CTNNA2: variants seen among roughly 807,000 people sequenced by gnomAD.
CTNNA2 encodes the protein catenin alpha-2.
A neutral mutation model predicts 101.0 loss-of-function variants in CTNNA2; 42 were observed. The observed-to-expected ratio is 0.42, with a 90% CI of 0.32 to 0.54. The LOEUF (loss-of-function observed/expected upper bound fraction) is 0.54, where lower values mean the gene tolerates loss of function less well. CTNNA2 is among the 20% of genes least tolerant of loss of function. The pLI is 0.14. For synonymous variants in CTNNA2, 450 were observed against 456.4 expected (o/e 0.99, Z 0.18); for missense variants, 871 against 1,223.1 (o/e 0.71, Z 4.29).
chr2:79,411,931 A>T (rs1033738106), intron 4 of CTNNA2, among the ~76,000 whole-genome samples: 1 of 152,184 alleles, frequency 6.6e-6, no homozygotes, highest in African/African-American at 2.4e-5. Context: ...AAATGCTCCA[A>T]TTAAAAGACA....
intron 7 of CTNNA2, among the ~76,000 whole-genome samples, chr2:80,078,869 T>A (rs1202368026): frequency 6.6e-6 from 1 of 152,210 alleles, no homozygotes; most frequent in Non-Finnish European, 1.5e-5. Flanking sequence ...TATCTTGTCC[T>A]GAACACAGGC....
intron 2 of CTNNA2, among the ~76,000 whole-genome samples, chr2:79,278,187 A>G (rs1675263321): frequency 6.6e-6 from 1 of 152,140 alleles, no homozygotes; most frequent in Non-Finnish European, 1.5e-5. Context: ...TGGAGACATG[A>G]GCCAAGAAAA....
At chr2:80,069,744 A>G (rs1698208789) in intron 7 of CTNNA2, among the ~76,000 whole-genome samples, 3 of 152,226 alleles carry the variant, frequency 2.0e-5, no homozygotes, top group Non-Finnish European at 2.9e-5. Context: ...CTAATAAGAA[A>G]GAAATACTCA....
intron 4 of CTNNA2, among the ~76,000 whole-genome samples, chr2:79,493,349 C>A (rs761064904): frequency 6.6e-6 from 1 of 151,956 alleles, no homozygotes; most frequent in Non-Finnish European, 1.5e-5. Context: ...AAATATTGGC[C>A]GACTGTGCCT....
Position 80,085,872 on chromosome 2 carries a change from A to G in CTNNA2, c.1056+176075A>G, listed in dbSNP as rs185720070. On this transcript the variant is annotated intron_variant, in intron 7 of 18. Coordinates refer to ENST00000402739, the MANE Select transcript of CTNNA2 (RefSeq NM_001282597.3). ...GGGAGGTCTGATGCTGACTAAATCT[A>G]TGTAACGCAAAAGACTGGCTCAGAG... Among the ~76,000 whole-genome samples the G allele has an allele frequency of 3.7e-3, 562 of 152,206 alleles. 5 individuals carry two copies. Among genetic ancestry groups the G allele is most frequent in the African/African-American group, 0.013 (536 of 41,546 alleles).
intron 2 of CTNNA2, among the ~76,000 whole-genome samples, chr2:79,663,012 C>T (rs1381644785): frequency 6.6e-6 from 1 of 152,150 alleles, no homozygotes; most frequent in Non-Finnish European, 1.5e-5. Context: ...ATTTTCTCCC[C>T]AGGTGATTCT....
intron 1 of CTNNA2, among the ~76,000 whole-genome samples, chr2:79,517,543 T>C (rs567958080): frequency 1.3e-5 from 2 of 152,320 alleles, no homozygotes; most frequent in East Asian, 3.9e-4. Context: ...TTATTTTTTA[T>C]GTTGAGATCT....
chr2:80,010,849 T>G (rs912046360), intron 7 of CTNNA2, among the ~76,000 whole-genome samples: 1 of 152,108 alleles, frequency 6.6e-6, no homozygotes, highest in Non-Finnish European at 1.5e-5. Context: ...TTTTTGCAAC[T>G]TTTTCCAGAA....
At chr2:80,523,929 G>A (rs1689798195) in intron 9 of CTNNA2, among the ~76,000 whole-genome samples, 2 of 152,160 alleles carry the variant, frequency 1.3e-5, no homozygotes, top group Non-Finnish European at 2.9e-5. Flanking sequence ...TAGATGATGT[G>A]AGGCATGACT....
At chr2:80,506,584 A>C (rs976537557) in intron 9 of CTNNA2, among the ~76,000 whole-genome samples, 2 of 152,172 alleles carry the variant, frequency 1.3e-5, no homozygotes, top group African/African-American at 4.8e-5. Context: ...GAAGGGTTTT[A>C]GTCAGGGCAG....
chr2:79,963,520 T>C (rs897324203), intron 7 of CTNNA2, among the ~76,000 whole-genome samples: 20 of 152,158 alleles, frequency 1.3e-4, no homozygotes, highest in African/African-American at 4.3e-4. Context: ...AGATAGCCCA[T>C]GTCAGTCACT....
At chr2:80,118,495 G>T (rs2148873690) in intron 7 of CTNNA2, among the ~76,000 whole-genome samples, 1 of 152,242 alleles carries the variant, frequency 6.6e-6, no homozygotes, top group African/African-American at 2.4e-5. Context: ...GTTTAATAAG[G>T]CTTTGATTGC....
At chr2:79,351,214 G>A (rs191991940) in intron 3 of CTNNA2, among the ~76,000 whole-genome samples, 205 of 152,192 alleles carry the variant, frequency 1.3e-3, no homozygotes, top group Non-Finnish European at 1.9e-3. Flanking sequence ...CTAGACCAAT[G>A]TTCAGAAGAG....
intron 3 of CTNNA2, among the ~76,000 whole-genome samples, chr2:79,781,214 G>A (rs909527340): frequency 2.6e-5 from 4 of 152,124 alleles, no homozygotes; most frequent in African/African-American, 4.8e-5. Flanking sequence ...AATTCCTGAC[G>A]TTGCCATGGC....
chr2:79,695,562 T>G (rs1684603000), intron 2 of CTNNA2, among the ~76,000 whole-genome samples: 1 of 151,980 alleles, frequency 6.6e-6, no homozygotes, highest in South Asian at 2.1e-4. Flanking sequence ...GTACAAAAAA[T>G]GGCAGCCTTA....
At chr2:79,257,498 TA>T (rs61173996) in intron 2 of CTNNA2, among the ~76,000 whole-genome samples, 1,730 of 136,680 alleles carry the variant, frequency 0.013, 21 homozygotes, top group African/African-American at 0.034. Context: ...GAAAGTAGGT[TA>T]AAAAAAAAAA....
At chr2:80,336,884 G>C (rs531492350) in intron 7 of CTNNA2, among the ~76,000 whole-genome samples, 7 of 152,218 alleles carry the variant, frequency 4.6e-5, no homozygotes, top group African/African-American at 1.4e-4. Flanking sequence ...CACTCATGTG[G>C]GAAAGAAGTG....
chr2:80,394,807 A>T (rs1294938088), intron 8 of CTNNA2, among the ~76,000 whole-genome samples: 1 of 151,830 alleles, frequency 6.6e-6, no homozygotes, highest in Non-Finnish European at 1.5e-5. Context: ...AGTCTAAGGG[A>T]TATTCTCATT....
At chr2:79,950,972 G>C (rs998065423) in intron 7 of CTNNA2, among the ~76,000 whole-genome samples, 3 of 152,106 alleles carry the variant, frequency 2.0e-5, no homozygotes. Context: ...TTATTTTAGG[G>C]AGATATTCTA....
Sources: allele counts gnomAD v4.1 joint callset (sites outside exome capture counted in the v4.1 genomes callset), GRCh38; gene constraint gnomAD v4.1.1; transcripts MANE v1.5; gene names NCBI Gene and HGNC (gene_info 2026-07-23, HGNC 2026-07-21).